NRG3: variants seen among roughly 807,000 people sequenced by gnomAD.
The protein encoded by NRG3 is neuregulin 3, also known as pro-neuregulin-3, membrane-bound isoform.
A neutral mutation model predicts 66.9 loss-of-function variants in NRG3; 31 were observed. That is an observed-to-expected ratio of 0.46 (90% CI 0.35 to 0.63). The LOEUF (loss-of-function observed/expected upper bound fraction) is 0.63, where lower values mean the gene tolerates loss of function less well. Among genes scored for constraint, NRG3 ranks in the 20% least tolerant of loss-of-function variants. The probability of loss-of-function intolerance (pLI) is 0.00; values close to 1 mark genes in which losing one functional copy is unlikely to be tolerated. For synonymous variants in NRG3, 393 were observed against 359.4 expected (o/e 1.09, Z -1.06); for missense variants, 910 against 878.9 (o/e 1.04, Z -0.45).
chr10:82,823,781 C>T (rs186452118), intron 3 of NRG3, among the ~76,000 whole-genome samples: 255 of 152,244 alleles, frequency 1.7e-3, no homozygotes, highest in African/African-American at 5.7e-3. Context: ...CTGAGGTCTC[C>T]GTTGCAGCTG....
chr10:82,739,926 T>A (rs1334189411), intron 3 of NRG3, among the ~76,000 whole-genome samples: 1 of 152,228 alleles, frequency 6.6e-6, no homozygotes, highest in Non-Finnish European at 1.5e-5. Flanking sequence ...TTCATGGTTA[T>A]GATGTGAGAC....
At chr10:82,459,749 C>T (rs112901671) in intron 2 of NRG3, among the ~76,000 whole-genome samples, 211 of 152,298 alleles carry the variant, frequency 1.4e-3, no homozygotes, top group African/African-American at 4.9e-3. Context: ...CAGCTTCTGC[C>T]AGCCATGATT....
rs10690548 is a variant in NRG3, at chr10:82,398,526, TGAGAGA to T, written c.953+39672_953+39677del. Among the ~76,000 whole-genome samples, 638 of 136,586 alleles carry T rather than the reference TGAGAGA, an allele frequency of 4.7e-3. 7 individuals are homozygous for T. The highest frequency in any genetic ancestry group is 0.018 in the African/African-American group (615 of 34,246). 89.6% of individuals were successfully genotyped at this position (136,586 alleles called of 152,430 possible). On this transcript the variant is annotated intron_variant, in intron 2 of 8. Coordinates refer to ENST00000372141, the MANE Select transcript of NRG3 (RefSeq NM_001010848.4). Reference sequence around the variant, plus strand: ...GTGTGTGTGTGTGTGTGTGTGTGTGTGAGAGAGAGAGAGAGAGAGTATGAGTGTGTG... The same window carrying T: ...GTGTGTGTGTGTGTGTGTGTGTGTGTGAGAGAGAGAGAGTATGAGTGTGTG...
chr10:82,869,478 T>C (rs1841078548), intron 4 of NRG3, among the ~76,000 whole-genome samples: 1 of 152,140 alleles, frequency 6.6e-6, no homozygotes, highest in African/African-American at 2.4e-5. Context: ...TCCATTATTA[T>C]ATTATCCTAC....
At chr10:82,475,131 G>A (rs1325577386) in intron 2 of NRG3, among the ~76,000 whole-genome samples, 2 of 151,676 alleles carry the variant, frequency 1.3e-5, no homozygotes, top group Non-Finnish European at 2.9e-5. Flanking sequence ...ATAGAGAACA[G>A]AAAAAGAATA....
chr10:82,872,534 T>C (rs1841431101), intron 4 of NRG3, among the ~76,000 whole-genome samples: 2 of 152,164 alleles, frequency 1.3e-5, no homozygotes, highest in Admixed American at 1.3e-4. Context: ...CTCCAAGTCA[T>C]ATGCTGCAAG....
chr10:82,548,570 C>G (rs2044093441), intron 2 of NRG3, among the ~76,000 whole-genome samples: 1 of 150,884 alleles, frequency 6.6e-6, no homozygotes, highest in African/African-American at 2.4e-5. Context: ...CGCACACGCA[C>G]AATCCAGCCT....
chr10:82,453,936 A>G (rs1014576355), intron 2 of NRG3, among the ~76,000 whole-genome samples: 2 of 152,210 alleles, frequency 1.3e-5, no homozygotes, highest in Non-Finnish European at 2.9e-5. Context: ...CTATGGATAT[A>G]TAAAGTTCCA....
intron 1 of NRG3, among the ~76,000 whole-genome samples, chr10:82,207,344 G>T (rs2075169224): frequency 1.3e-5 from 2 of 152,142 alleles, no homozygotes; most frequent in South Asian, 4.1e-4. Flanking sequence ...GTTCAGTAGT[G>T]AAGTGCACGG....
intron 1 of NRG3, among the ~76,000 whole-genome samples, chr10:81,882,406 T>C (rs993619637): frequency 1.2e-4 from 19 of 152,174 alleles, no homozygotes; most frequent in Non-Finnish European, 2.5e-4. Context: ...AATATATGTG[T>C]GTGTGTGTGT....
intron 2 of NRG3, among the ~76,000 whole-genome samples, chr10:82,374,513 C>T (rs1246801497): frequency 4.6e-5 from 7 of 152,330 alleles, no homozygotes; most frequent in East Asian, 3.9e-4. Flanking sequence ...CCAATAATCA[C>T]GCATTCATTG....
intron 1 of NRG3, among the ~76,000 whole-genome samples, chr10:82,109,728 G>A (rs1204078557): frequency 6.6e-6 from 1 of 152,030 alleles, no homozygotes; most frequent in Non-Finnish European, 1.5e-5. Flanking sequence ...ACCATTTAGT[G>A]ATTTTCAAAC....
At position 81,987,438 on chromosome 10, in the gene NRG3, A is replaced by T. The variant is rs541128661; in HGVS notation, c.823+111275A>T. Among the ~76,000 whole-genome samples, 4 of 152,320 alleles carry T rather than the reference A, an allele frequency of 2.6e-5. No homozygotes were observed. The South Asian group carries it at 8.3e-4, about 32-fold the overall frequency. Reference sequence around the variant, plus strand: ...AATAAAACCTTTATTTTTTGACACGATATCCCATTTTGTAACTTTTAGAAA... The same window carrying T: ...AATAAAACCTTTATTTTTTGACACGTTATCCCATTTTGTAACTTTTAGAAA... On this transcript the variant is annotated intron_variant, in intron 1 of 8. Coordinates refer to ENST00000372141, the MANE Select transcript of NRG3 (RefSeq NM_001010848.4).
intron 1 of NRG3, among the ~76,000 whole-genome samples, chr10:81,986,216 G>A (rs1284920438): frequency 6.6e-6 from 1 of 152,034 alleles, no homozygotes; most frequent in Non-Finnish European, 1.5e-5. Flanking sequence ...TGCAAAATTA[G>A]GCTGTTTTTC....
chr10:81,924,674 C>T (rs1018650081), intron 1 of NRG3, among the ~76,000 whole-genome samples: 8 of 152,162 alleles, frequency 5.3e-5, no homozygotes, highest in African/African-American at 1.7e-4. Flanking sequence ...TCTAGACCAT[C>T]GTTCGAATTA....
Position 81,875,327 on chromosome 10 carries a change from G to T in NRG3, c.-14G>T. On this transcript the variant is annotated 5_prime_UTR_variant, in exon 1 of 9. Transcript: ENST00000372141. The surrounding 1 kb of genome is among the most constrained non-coding windows in gnomAD (Gnocchi z 5.3). ...CGGCCCTCGGGGGGGCGAAGGTGAA[G>T]ACCGGCTCCTAGGATGAGTGAAGGG... 1.0e-6 allele frequency: 1 copy of T among 986,060 alleles called. No homozygotes were observed. The highest frequency in any genetic ancestry group is 4.5e-5 in the South Asian group (1 of 22,052). The allele number at this position is 986,060 out of a possible 1,614,324, so 61.1% of individuals were successfully genotyped here.
chr10:82,262,435 T>C (rs2078079789), intron 1 of NRG3, among the ~76,000 whole-genome samples: 1 of 152,236 alleles, frequency 6.6e-6, no homozygotes, highest in Non-Finnish European at 1.5e-5. Context: ...CTCTGTTGCT[T>C]GTTTTACTGA....
chr10:82,083,281 ATT>A (rs1273946195), intron 1 of NRG3, among the ~76,000 whole-genome samples: 1 of 151,792 alleles, frequency 6.6e-6, no homozygotes, highest in Non-Finnish European at 1.5e-5. Context: ...ATATATTTAT[ATT>A]TTTATAAGTA....
intron 2 of NRG3, among the ~76,000 whole-genome samples, chr10:82,634,096 G>A (rs1225963441): frequency 6.6e-6 from 1 of 152,164 alleles, no homozygotes; most frequent in African/African-American, 2.4e-5. Context: ...GGCCTTTGTT[G>A]TTGGATCATC....
Sources: gnomAD v4.1 joint callset for allele counts (sites outside exome capture counted in the v4.1 genomes callset) on GRCh38, gnomAD v4.1.1 for gene constraint, Gnocchi (gnomAD v3.1) non-coding constraint, MANE v1.5 for transcripts, NCBI Gene and HGNC (gene_info 2026-07-23, HGNC 2026-07-21) for gene names.